The following CAST variants were observed in gnomAD, a reference collection of about 807,000 sequenced individuals.
CAST encodes calpastatin.
CAST carries 76 observed loss-of-function variants against 119.6 expected under a neutral mutation model. The ratio of observed to expected loss-of-function variants is 0.64; its 90% CI spans 0.53 to 0.77. The LOEUF is 0.77. Among genes scored for constraint, CAST ranks in the 30% least tolerant of loss-of-function variants. The probability of loss-of-function intolerance (pLI) is 0.00; values close to 1 mark genes in which losing one functional copy is unlikely to be tolerated. For synonymous variants in CAST, 319 were observed against 331.6 expected, an observed-to-expected ratio of 0.96 and a Z score of 0.41; for missense variants, 953 against 946.5, an observed-to-expected ratio of 1.01 and a Z score of -0.09.
the CAST span, among the ~76,000 whole-genome samples, chr5:95,985,389 A>G: frequency 6.6e-6 from 1 of 152,220 alleles, no homozygotes; most frequent in East Asian, 1.9e-4. Context: ...GTTTCTATTA[A>G]TGCCAGTAAA....
intron 1 of CAST, among the ~76,000 whole-genome samples, chr5:96,547,422 A>G (rs531074913): frequency 2.6e-5 from 4 of 152,230 alleles, no homozygotes; most frequent in Non-Finnish European, 5.9e-5. Flanking sequence ...GCCCAAGGGC[A>G]GGAGACAGAT....
chr5:96,691,843 A>G (rs998001429), intron 2 of CAST, among the ~76,000 whole-genome samples: 4 of 152,230 alleles, frequency 2.6e-5, no homozygotes, highest in Non-Finnish European at 5.9e-5. Context: ...TCACAGAGTC[A>G]TGAAGTCTCA....
chr5:96,212,537 G>C, the CAST span, among the ~76,000 whole-genome samples: 5 of 152,236 alleles, frequency 3.3e-5, no homozygotes, highest in Admixed American at 6.5e-5. Context: ...GGGCTCTTGA[G>C]AAGAATGTGT....
chr5:96,413,857 C>A, the CAST span, among the ~76,000 whole-genome samples: 1 of 142,100 alleles, frequency 7.0e-6, no homozygotes, highest in Non-Finnish European at 1.5e-5. Flanking sequence ...CGGTGGCTCA[C>A]GCCTGTAATC....
At chr5:96,762,401 A>C (rs376639885) in intron 25 of CAST, 29 bp downstream of exon 25, 12 of 1,501,866 alleles carry the variant, frequency 8.0e-6, no homozygotes, top group Non-Finnish European at 1.1e-5. Context: ...TTGGGAGATA[A>C]ATGTTTTTGC....
At chr5:96,312,065 T>G in the CAST span, among the ~76,000 whole-genome samples, 3 of 152,150 alleles carry the variant, frequency 2.0e-5, no homozygotes, top group Admixed American at 2.0e-4. Flanking sequence ...TCTTTTTTTA[T>G]TTTTGTTTTG....
the CAST span, among the ~76,000 whole-genome samples, chr5:96,334,163 G>A: frequency 6.6e-6 from 1 of 152,152 alleles, no homozygotes; most frequent in Non-Finnish European, 1.5e-5. Context: ...GTTAATTCAA[G>A]TTTGAAATTC....
chr5:96,282,528 C>T, the CAST span, among the ~76,000 whole-genome samples: 2 of 152,236 alleles, frequency 1.3e-5, no homozygotes, highest in Non-Finnish European at 1.5e-5. Flanking sequence ...TGGATACTGT[C>T]GTCAGAAATT....
At chr5:95,993,921 TTTAAA>T in the CAST span, among the ~76,000 whole-genome samples, 7 of 152,158 alleles carry the variant, frequency 4.6e-5, no homozygotes, top group South Asian at 2.1e-4. Flanking sequence ...TTTGCATTAA[TTTAAA>T]TTAAATTAAT....
At chr5:96,660,418 G>GT (rs1355298361), upstream of CAST, among the ~76,000 whole-genome samples, 1 of 152,204 alleles carries the variant, frequency 6.6e-6, no homozygotes, top group African/African-American at 2.4e-5. Context: ...GACAGGCAAT[G>GT]TATCTTTTTA....
the CAST span, among the ~76,000 whole-genome samples, chr5:96,187,747 A>G: frequency 6.6e-6 from 1 of 152,172 alleles, no homozygotes; most frequent in African/African-American, 2.4e-5. Flanking sequence ...GTTGAAGTAA[A>G]TAGTTCAATA....
chr5:96,732,948 T>C (rs929955310), intron 9 of CAST, among the ~76,000 whole-genome samples: 2 of 152,222 alleles, frequency 1.3e-5, no homozygotes, highest in African/African-American at 4.8e-5. Context: ...TCTATACTTT[T>C]GCTTCTGTAA....
At chr5:96,282,106 C>T in the CAST span, among the ~76,000 whole-genome samples, 1 of 133,676 alleles carries the variant, frequency 7.5e-6, no homozygotes, top group Non-Finnish European at 1.5e-5. Context: ...AGGGTAGAGC[C>T]GGAAAGGTAA....
At chr5:96,713,133 C>CTT (rs11406642) in intron 3 of CAST, among the ~76,000 whole-genome samples, 4,210 of 136,698 alleles carry the variant, frequency 0.031, 179 homozygotes, top group African/African-American at 0.085. Context: ...CAGAATTTCT[C>CTT]TTTTTTTTTT....
chr5:96,078,515 T>G, the CAST span, among the ~76,000 whole-genome samples: 3 of 152,010 alleles, frequency 2.0e-5, no homozygotes, highest in Admixed American at 2.0e-4. Context: ...TGACTCAGCC[T>G]CCCAAGTAGC....
At chr5:96,002,978 G>A in the CAST span, among the ~76,000 whole-genome samples, 2 of 152,142 alleles carry the variant, frequency 1.3e-5, no homozygotes, top group South Asian at 4.1e-4. Context: ...GCTCATGCCT[G>A]TAATCCCAGC....
Position 96,736,238 on chromosome 5 carries a change from A to G in CAST, c.697A>G (p.Lys233Glu). Residue 233 changes from lysine (K) to glutamate (E), a missense_variant and splice_region_variant, in exon 10 of 32, where the codon AAG becomes GAG. Coordinates refer to ENST00000675179, the MANE Select transcript of CAST (RefSeq NM_001750.7). Reference protein sequence around the residue: ...VESKPDKPSGKSGMDAALDDL... With the variant: ...VESKPDKPSGESGMDAALDDL... ...ATCTAAACCGGATAAACCATCGGGAAAGGTATGAAGACAACAGTGTCCTTC... is the reference window on the plus strand; with the variant it reads ...ATCTAAACCGGATAAACCATCGGGAGAGGTATGAAGACAACAGTGTCCTTC... 2 of 1,598,886 alleles carry G rather than the reference A, an allele frequency of 1.3e-6. No individual in the cohort carries two copies. Among genetic ancestry groups the G allele is most frequent in the South Asian group, 2.2e-5 (2 of 90,562 alleles).
the CAST span, among the ~76,000 whole-genome samples, chr5:96,288,708 G>C: frequency 6.6e-6 from 1 of 152,034 alleles, no homozygotes; most frequent in African/African-American, 2.4e-5. Flanking sequence ...AAGTCATCAG[G>C]CAAAATTTTT....
the CAST span, among the ~76,000 whole-genome samples, chr5:96,337,863 CATTAGCAAAG>C: frequency 6.6e-6 from 1 of 152,204 alleles, no homozygotes; most frequent in Non-Finnish European, 1.5e-5. Flanking sequence ...GTCCTCTGGG[CATTAGCAAAG>C]ACATGAACCT....
Sources: allele counts gnomAD v4.1 joint callset (sites outside exome capture counted in the v4.1 genomes callset), GRCh38; gene constraint gnomAD v4.1.1; transcripts MANE v1.5; gene names NCBI Gene and HGNC (gene_info 2026-07-23, HGNC 2026-07-21).